Variants in GREB1 observed in about 807,000 individuals in gnomAD.
GREB1 encodes the protein protein GREB1.
In GREB1, 106 loss-of-function variants were observed where a neutral mutation model predicts 200.7. That is an observed-to-expected ratio of 0.53 (90% CI 0.45 to 0.62). The LOEUF (loss-of-function observed/expected upper bound fraction) is 0.62. GREB1 is among the 20% of genes least tolerant of loss of function. The pLI is 0.00. For missense variants in GREB1, 2,243 were observed against 2,556.8 expected (o/e 0.88, Z 2.65); for synonymous variants, 1,132 against 1,092.4 (o/e 1.04, Z -0.72).
intron 14 of GREB1, among the ~76,000 whole-genome samples, 154 bp from the exon 15 acceptor site, chr2:11,598,526 T>C (rs1378847084): frequency 6.6e-6 from 1 of 152,272 alleles, no homozygotes; most frequent in East Asian, 1.9e-4. Flanking sequence ...AGCTGTAACC[T>C]GTGTGGGAGT....
chr2:11,559,835 C>T (rs1374611165), intron 2 of GREB1, among the ~76,000 whole-genome samples: 2 of 152,202 alleles, frequency 1.3e-5, no homozygotes, highest in African/African-American at 4.8e-5. Context: ...CCTCCCCACC[C>T]CACCTCTGGG....
chr2:11,541,675 G>A (rs575205855), intron 1 of GREB1, among the ~76,000 whole-genome samples: 1 of 152,274 alleles, frequency 6.6e-6, no homozygotes, highest in Admixed American at 6.5e-5. Flanking sequence ...TCCTTAGGAA[G>A]CCGCAGGAAT....
In GREB1 at chr2:11,602,506, G is replaced by C; in HGVS notation, c.2630G>C (p.Ser877Thr). 1 of 1,613,918 alleles carries C rather than the reference G, an allele frequency of 6.2e-7. No homozygotes were observed. Among genetic ancestry groups the C allele is most frequent in the South Asian group, 1.1e-5 (1 of 91,072 alleles). ...GHSLPLLRYD[S>T]SFEAMVTALG... is the part of the protein sequence containing the mutation. ...AGCCTCCCCTTGCTCAGATACGATAGCTCCTTTGAGGCCATGGTCACTGCA... is the reference window on the plus strand; with the variant it reads ...AGCCTCCCCTTGCTCAGATACGATACCTCCTTTGAGGCCATGGTCACTGCA... Residue 877 changes from serine to threonine, a missense_variant, in exon 17 of 33, where the codon AGC becomes ACC. Ser to Thr is a moderately conservative substitution (Grantham distance 58). Coordinates refer to ENST00000381486, the MANE Select transcript of GREB1 (RefSeq NM_014668.4).
chr2:11,605,698 G>C (rs894261876), intron 17 of GREB1, among the ~76,000 whole-genome samples: 5 of 152,138 alleles, frequency 3.3e-5, no homozygotes, highest in Admixed American at 2.0e-4. Context: ...TTGTACAATA[G>C]GTACTCTGTT....
chr2:11,618,641 C>G lies in GREB1; in HGVS notation c.3766C>G (p.Pro1256Ala). 6.2e-7 allele frequency: 1 copy of G among 1,613,574 alleles called. No individual in the cohort carries two copies. The change falls in exon 22 of 33, where the codon CCA becomes GCA. Residue 1256 changes from proline (P) to alanine (A), a missense_variant. Pro to Ala is a conservative substitution (Grantham distance 27, BLOSUM62 -1). Coordinates refer to ENST00000381486, the MANE Select transcript of GREB1 (RefSeq NM_014668.4). Reference sequence around the variant, plus strand: ...CTCCTTGACCAAGGCCTGCCGCCAGCCACCCATTGTCTTCTTGCCCAAGCT... The same window carrying G: ...CTCCTTGACCAAGGCCTGCCGCCAGGCACCCATTGTCTTCTTGCCCAAGCT... ...QCSLTKACRQ[P>A]PIVFLPKLVY...
intron 11 of GREB1, among the ~76,000 whole-genome samples, chr2:11,594,075 C>G (rs1680988957): frequency 1.3e-5 from 2 of 152,134 alleles, no homozygotes; most frequent in Non-Finnish European, 2.9e-5. Flanking sequence ...GAGATCTTGG[C>G]TCATTGCAGT....
At chr2:11,552,751 C>T (rs1022499093) in intron 1 of GREB1, among the ~76,000 whole-genome samples, 1 of 152,200 alleles carries the variant, frequency 6.6e-6, no homozygotes. Flanking sequence ...GTGGCTCACG[C>T]CTGTAATCCC....
At chr2:11,631,756 T>G (rs1206241542) in intron 26 of GREB1, among the ~76,000 whole-genome samples, 153 bp from the exon 27 acceptor site, 1 of 152,186 alleles carries the variant, frequency 6.6e-6, no homozygotes, top group East Asian at 1.9e-4. Flanking sequence ...TTTCCTCCCT[T>G]TTACTGGTAA....
intron 1 of GREB1, among the ~76,000 whole-genome samples, chr2:11,494,996 G>T (rs1431544655): frequency 1.3e-5 from 2 of 152,168 alleles, no homozygotes; most frequent in Non-Finnish European, 2.9e-5. Flanking sequence ...CTCCTGCTCT[G>T]TTCCCATGGT....
chr2:11,507,959 G>A (rs543111535), intron 1 of GREB1, among the ~76,000 whole-genome samples: 4 of 152,254 alleles, frequency 2.6e-5, no homozygotes, highest in African/African-American at 9.6e-5. Flanking sequence ...AGGCTGCATT[G>A]TTTACAGTAA....
chr2:11,501,165 C>G (rs563536895), intron 1 of GREB1, among the ~76,000 whole-genome samples: 37 of 152,216 alleles, frequency 2.4e-4, no homozygotes, highest in African/African-American at 8.7e-4. Context: ...TGAACACATT[C>G]AGTTTTTTTT....
At chr2:11,588,237 A>C in intron 9 of GREB1, 1 of 997,702 alleles carries the variant, frequency 1.0e-6, no homozygotes, top group Non-Finnish European at 1.2e-6. Flanking sequence ...CAAAAAAAAA[A>C]AAAGAATGAC....
chr2:11,614,688 C>T lies in GREB1; in HGVS notation c.3123-403C>T, dbSNP rs143960863. On this transcript the variant is annotated intron_variant, in intron 19 of 32. Transcript: ENST00000381486. ...ACTCCATTCTCCTGCCTCAGCCTCCCGAGTAGCTGGGACTACAGGCGCCCG... is the reference window on the plus strand; with the variant it reads ...ACTCCATTCTCCTGCCTCAGCCTCCTGAGTAGCTGGGACTACAGGCGCCCG... Among the ~76,000 whole-genome samples, 525 of 152,196 alleles carry T rather than the reference C, an allele frequency of 3.4e-3. 4 individuals carry two copies. The highest frequency in any genetic ancestry group is 0.012 in the African/African-American group (512 of 41,512).
chr2:11,602,388 C>CG lies in GREB1; in HGVS notation c.2530-17dup, dbSNP rs764759352. On this transcript the variant is annotated splice_polypyrimidine_tract_variant and intron_variant, in intron 16 of 32. Transcript: ENST00000381486. ...GCGAATGCAGTGTTGGAGTGACCGACGCTCTTCTTTGTTTTAGGGAGTGGA... is the reference window on the plus strand; with the variant it reads ...GCGAATGCAGTGTTGGAGTGACCGACGGCTCTTCTTTGTTTTAGGGAGTGGA... 4.3e-6 allele frequency: 7 copies of CG among 1,611,862 alleles called. No individual in the cohort carries two copies. The highest frequency in any genetic ancestry group is 5.1e-6 in the Non-Finnish European group (6 of 1,178,342).
rs530570973 is a variant in GREB1, at chr2:11,637,847, C to T, written c.5478C>T (p.Phe1826=). Residue 1826 remains phenylalanine (F), a synonymous_variant, in exon 31 of 33, where the codon TTC becomes TTT. Coordinates refer to ENST00000381486, the MANE Select transcript of GREB1 (RefSeq NM_014668.4). The part of the protein sequence containing the change: ...KFLQHHSHLF[F]PLSLKNHDHP... ...TGCAGCACCACAGCCACCTCTTCTT[C>T]CCGCTGTCCCTGAAGAACCATGACC... 75 of 1,614,248 alleles carry T rather than the reference C, an allele frequency of 4.6e-5. 1 individual carries two copies. In the South Asian group the frequency reaches 7.2e-4, roughly 16 times the overall value.
intron 13 of GREB1, among the ~76,000 whole-genome samples, chr2:11,596,640 A>G (rs1681263961): frequency 1.3e-5 from 1 of 79,314 alleles, no homozygotes; most frequent in South Asian, 5.7e-4. Flanking sequence ...GCGGGGCTGC[A>G]GGTGTATACA....
At chr2:11,498,960 G>A (rs1672958364) in intron 1 of GREB1, among the ~76,000 whole-genome samples, 1 of 152,132 alleles carries the variant, frequency 6.6e-6, no homozygotes, top group Non-Finnish European at 1.5e-5. Flanking sequence ...GGAAGTGTGG[G>A]TTTTCATTTT....
intron 1 of GREB1, among the ~76,000 whole-genome samples, chr2:11,543,818 C>T (rs1021934062): frequency 2.6e-5 from 4 of 152,082 alleles, no homozygotes; most frequent in Non-Finnish European, 4.4e-5. Flanking sequence ...TGTCCATGTT[C>T]GTGTGCAGGG....
In GREB1 at chr2:11,633,633, A is replaced by G. The variant is rs1487649929; in HGVS notation, c.4992-498A>G. 6.6e-6 allele frequency among the ~76,000 whole-genome samples: 1 copy of G among 152,150 alleles called. No homozygotes were observed. Among genetic ancestry groups the G allele is most frequent in the Admixed American group, 6.5e-5 (1 of 15,270 alleles). On this transcript the variant is annotated intron_variant, in intron 28 of 32. Transcript: ENST00000381486. This position sits in a 1 kb window ranked among gnomAD's most constrained non-coding sequence, Gnocchi z 4.1. The stretch of plus-strand genomic sequence containing the variant: ...CAGAAAATCACACTATCCATTTAGT[A>G]TAATATATAGACAAAAAAGAAAGTA...
Sources: allele counts gnomAD v4.1 joint callset (sites outside exome capture counted in the v4.1 genomes callset), GRCh38; gene constraint gnomAD v4.1.1; non-coding constraint Gnocchi (gnomAD v3.1); transcripts MANE v1.5; gene names NCBI Gene and HGNC (gene_info 2026-07-23, HGNC 2026-07-21).